The following ATOSA variants were observed in gnomAD, a reference collection of about 807,000 sequenced individuals.
ATOSA encodes atos homolog protein A.
chr15:52,596,296 A>G, the ATOSA span, among the ~76,000 whole-genome samples: 85,927 of 152,066 alleles, frequency 0.57, 28,289 homozygotes, highest in Non-Finnish European at 0.74. Flanking sequence ...TCAGCAGGCT[A>G]TTTTGTGGAA....
the ATOSA span, among the ~76,000 whole-genome samples, chr15:52,666,004 A>C: frequency 6.6e-6 from 1 of 152,196 alleles, no homozygotes; most frequent in African/African-American, 2.4e-5. Context: ...ATGTACGTAC[A>C]TTTACAGACT....
chr15:52,635,432 C>T, the ATOSA span, among the ~76,000 whole-genome samples: 2 of 152,192 alleles, frequency 1.3e-5, no homozygotes, highest in East Asian at 1.9e-4. Flanking sequence ...GTGGCTCACA[C>T]CTGTAATGCC....
the ATOSA span, among the ~76,000 whole-genome samples, chr15:52,632,628 G>A: frequency 0.017 from 2,656 of 152,168 alleles, 83 homozygotes; most frequent in African/African-American, 0.061. Flanking sequence ...ATTAGTTTTC[G>A]GTTAGTATTT....
At chr15:52,704,321 G>A in the ATOSA span, among the ~76,000 whole-genome samples, 3 of 152,124 alleles carry the variant, frequency 2.0e-5, no homozygotes, top group Non-Finnish European at 4.4e-5. Context: ...AGCTGAAACT[G>A]GATCACTTCC....
the ATOSA span, among the ~76,000 whole-genome samples, chr15:52,628,086 T>C: frequency 3.9e-5 from 6 of 152,166 alleles, no homozygotes; most frequent in African/African-American, 1.4e-4. Flanking sequence ...TGATGAGACA[T>C]GTGGGAATTT....
At chr15:52,651,789 A>G in the ATOSA span, 4 of 1,336,898 alleles carry the variant, frequency 3.0e-6, no homozygotes, top group Non-Finnish European at 4.1e-6. Context: ...ATGCAAAGCA[A>G]GCACCACAGC....
At chr15:52,623,560 A>G in the ATOSA span, among the ~76,000 whole-genome samples, 1 of 152,028 alleles carries the variant, frequency 6.6e-6, no homozygotes, top group Non-Finnish European at 1.5e-5. Context: ...AAGGAGCTGG[A>G]TTACAGGCTG....
chr15:52,596,255 C>T, the ATOSA span, among the ~76,000 whole-genome samples: 4 of 152,158 alleles, frequency 2.6e-5, no homozygotes, highest in East Asian at 7.7e-4. Flanking sequence ...TTCCTCCAAT[C>T]GACCTGTATT....
At chr15:52,604,404 T>C in the ATOSA span, among the ~76,000 whole-genome samples, 5 of 152,284 alleles carry the variant, frequency 3.3e-5, no homozygotes, top group African/African-American at 4.8e-5. Context: ...ATACGCGAGA[T>C]ACTGTATTCT....
the ATOSA span, among the ~76,000 whole-genome samples, chr15:52,699,401 T>A: frequency 6.6e-6 from 1 of 151,934 alleles, no homozygotes. Context: ...TATATGGTCA[T>A]CCTTGATGGG....
At chr15:52,613,258 C>G in the ATOSA span, among the ~76,000 whole-genome samples, 2 of 152,152 alleles carry the variant, frequency 1.3e-5, no homozygotes, top group South Asian at 4.1e-4. Context: ...CCTAGCTACT[C>G]AGGAGGCTGA....
At chr15:52,626,231 T>G in the ATOSA span, among the ~76,000 whole-genome samples, 1 of 152,170 alleles carries the variant, frequency 6.6e-6, no homozygotes, top group Non-Finnish European at 1.5e-5. Flanking sequence ...ACTACATGAA[T>G]TCGGACAGTT....
the ATOSA span, among the ~76,000 whole-genome samples, chr15:52,605,908 C>T: frequency 0.013 from 1,991 of 151,920 alleles, 18 homozygotes; most frequent in Middle Eastern, 0.02. Flanking sequence ...CCTATACATA[C>T]CTATCCTAAA....
At chr15:52,591,477 C>T in the ATOSA span, among the ~76,000 whole-genome samples, 30 of 152,120 alleles carry the variant, frequency 2.0e-4, no homozygotes, top group Non-Finnish European at 5.9e-5. Flanking sequence ...GGCGATCTGC[C>T]AGCTTCAGGT....
chr15:52,618,978 G>A, the ATOSA span, among the ~76,000 whole-genome samples: 5 of 152,194 alleles, frequency 3.3e-5, no homozygotes, highest in Non-Finnish European at 5.9e-5. Context: ...ACTGAACTTA[G>A]TGTGTTAAAT....
At chr15:52,608,243 G>A in the ATOSA span, among the ~76,000 whole-genome samples, 1 of 152,112 alleles carries the variant, frequency 6.6e-6, no homozygotes, top group East Asian at 1.9e-4. Flanking sequence ...GGAGCAGGGG[G>A]AGAACAGAGC....
At chr15:52,613,855 T>C in the ATOSA span, 1 of 1,612,724 alleles carries the variant, frequency 6.2e-7, no homozygotes, top group South Asian at 1.1e-5. Context: ...TCATCCAGAG[T>C]ATCTGATATA....
chr15:52,670,831 T>C, the ATOSA span, among the ~76,000 whole-genome samples: 1 of 152,214 alleles, frequency 6.6e-6, no homozygotes, highest in African/African-American at 2.4e-5. Context: ...CTTTGACATA[T>C]TATCTTAGTT....
At chr15:52,623,570 G>A in the ATOSA span, among the ~76,000 whole-genome samples, 86 of 151,960 alleles carry the variant, frequency 5.7e-4, no homozygotes, top group African/African-American at 1.9e-3. Context: ...ATTACAGGCT[G>A]GTATAATGGA....
Sources: allele counts gnomAD v4.1 joint callset (sites outside exome capture counted in the v4.1 genomes callset), GRCh38; gene constraint gnomAD v4.1.1; transcripts MANE v1.5; gene names NCBI Gene and HGNC (gene_info 2026-07-23, HGNC 2026-07-21).